Variants in DCDC1 observed in about 807,000 individuals in gnomAD.
DCDC1 encodes doublecortin domain-containing protein 1.
In DCDC1, 200 loss-of-function variants were observed where a neutral mutation model predicts 178.3. The observed-to-expected ratio is 1.12, with a 90% confidence interval of 1.00 to 1.26. The LOEUF (loss-of-function observed/expected upper bound fraction) is 1.26, where lower values mean the gene tolerates loss of function less well. Among genes scored for constraint, DCDC1 ranks in the 50% most tolerant of loss-of-function variants. The pLI is 0.00. For missense variants in DCDC1, 1,983 were observed against 1,749.2 expected (o/e 1.13, Z -2.38); for synonymous variants, 690 against 604.8 (o/e 1.14, Z -2.07).
chr11:30,974,932 C>A (rs965364994), intron 20 of DCDC1, among the ~76,000 whole-genome samples: 26 of 152,098 alleles, frequency 1.7e-4, no homozygotes, highest in South Asian at 6.2e-4. Flanking sequence ...AAGAAAAATA[C>A]AAGCCAATAT....
chr11:31,220,727 T>C (rs921704489), intron 9 of DCDC1, among the ~76,000 whole-genome samples: 5 of 152,348 alleles, frequency 3.3e-5, no homozygotes, highest in African/African-American at 9.6e-5. Context: ...GAAGACTCTA[T>C]TAGTCAGCTT....
intron 15 of DCDC1, among the ~76,000 whole-genome samples, chr11:31,099,225 C>G (rs2135718551): frequency 6.6e-6 from 1 of 152,310 alleles, no homozygotes; most frequent in East Asian, 1.9e-4. Context: ...GGTCAGCTAA[C>G]TGAATATCTA....
chr11:31,305,561 C>T, intron 6 of DCDC1, 54 bp downstream of exon 6: 1 of 1,553,636 alleles, frequency 6.4e-7, no homozygotes, highest in Non-Finnish European at 8.7e-7. Context: ...TTAATTGCAC[C>T]CCTTAAGCAA....
At chr11:31,250,415 C>CACACACACACACAT (rs1223526182) in intron 8 of DCDC1, among the ~76,000 whole-genome samples, 3 of 73,734 alleles carry the variant, frequency 4.1e-5, no homozygotes, top group African/African-American at 5.2e-5. Context: ...CACACACACA[C>CACACACACACACAT]ATATACATAT....
At chr11:31,086,824 G>C (rs1957509615) in intron 17 of DCDC1, among the ~76,000 whole-genome samples, 1 of 151,800 alleles carries the variant, frequency 6.6e-6, no homozygotes, top group Admixed American at 6.6e-5. Flanking sequence ...ATCATTTTTT[G>C]CACTTATAGT....
chr11:31,185,651 T>C (rs1969387816), intron 9 of DCDC1, among the ~76,000 whole-genome samples: 2 of 152,178 alleles, frequency 1.3e-5, no homozygotes, highest in South Asian at 4.1e-4. Flanking sequence ...AAACCTGGTT[T>C]TCTGCCTTGC....
chr11:30,879,154 C>A (rs1942412893), intron 37 of DCDC1, among the ~76,000 whole-genome samples: 1 of 152,106 alleles, frequency 6.6e-6, no homozygotes. Context: ...CGAAGTGATT[C>A]TTTGATGAAT....
Position 31,115,901 on chromosome 11 carries a change from C to T in DCDC1, c.1486-5540G>A, listed in dbSNP as rs184325368. Among the ~76,000 whole-genome samples the T allele has an allele frequency of 2.2e-4, 32 of 146,352 alleles. No homozygotes were observed. The East Asian group carries it at 2.2e-3, about 10-fold the overall frequency. ...ACCAAATGTTGGATGCAGGCTGCCC[C>T]GAGGGTGGGAGCCTAATCTTGGGAG... On this transcript the variant is annotated intron_variant, in intron 11 of 38. Transcript: ENST00000684477.
At chr11:31,345,175 T>A (rs61879889) in intron 1 of DCDC1, among the ~76,000 whole-genome samples, 43,825 of 152,056 alleles carry the variant, frequency 0.29, 7,101 homozygotes, top group Non-Finnish European at 0.35. Context: ...TATTATAGTA[T>A]GTGGTTATTG....
chr11:31,306,143 A>G, intron 5 of DCDC1, 89 bp downstream of exon 5: 1 of 1,228,122 alleles, frequency 8.1e-7, no homozygotes. Flanking sequence ...TCAAAAAGAA[A>G]ATATTAACAA....
At chr11:31,019,692 C>T (rs1476592292) in intron 20 of DCDC1, among the ~76,000 whole-genome samples, 1 of 152,016 alleles carries the variant, frequency 6.6e-6, no homozygotes, top group Non-Finnish European at 1.5e-5. Flanking sequence ...TCTTCCCTGC[C>T]CTTAAAATCA....
At chr11:30,866,363 A>G (rs1455060174) in intron 38 of DCDC1, among the ~76,000 whole-genome samples, 2 of 152,090 alleles carry the variant, frequency 1.3e-5, no homozygotes, top group Non-Finnish European at 2.9e-5. Flanking sequence ...TTCCTGTTTC[A>G]TATGGTGCCT....
chr11:31,200,876 A>G (rs1418411525), intron 9 of DCDC1, among the ~76,000 whole-genome samples: 1 of 151,966 alleles, frequency 6.6e-6, no homozygotes, highest in African/African-American at 2.4e-5. Context: ...CATTTTTATG[A>G]CATGTCAAGC....
chr11:31,064,402 T>C (rs1956135632), intron 20 of DCDC1, 67 bp downstream of exon 20: 1 of 668,544 alleles, frequency 1.5e-6, no homozygotes, highest in Non-Finnish European at 2.7e-6. Flanking sequence ...AAATCAATCT[T>C]ACATGAAACT....
In DCDC1 at chr11:31,183,586, G is replaced by A. The variant is rs1969109907; in HGVS notation, c.1222-45802C>T. Among the ~76,000 whole-genome samples the A allele has an allele frequency of 4.6e-5, 7 of 152,148 alleles. No homozygotes were observed. In the South Asian group the frequency reaches 1.2e-3, roughly 27 times the overall value. ...TAAGCTGATAAGCAACTTCAGCAAA[G>A]TCTTAGGATACAAAATCAATGTGCA... On this transcript the variant is annotated intron_variant, in intron 9 of 38. Transcript: ENST00000684477.
chr11:31,285,855 C>T (rs1946780864), intron 7 of DCDC1, among the ~76,000 whole-genome samples: 1 of 152,030 alleles, frequency 6.6e-6, no homozygotes, highest in East Asian at 1.9e-4. Flanking sequence ...AGACTTGCTA[C>T]ACATAACCAC....
At chr11:31,233,142 G>A (rs907131474) in intron 9 of DCDC1, among the ~76,000 whole-genome samples, 3 of 151,566 alleles carry the variant, frequency 2.0e-5, no homozygotes, top group Non-Finnish European at 4.4e-5. Context: ...ACAGCTCAAT[G>A]AGGTAAGTAT....
intron 34 of DCDC1, among the ~76,000 whole-genome samples, chr11:30,895,917 G>A (rs189387199): frequency 3.9e-4 from 60 of 151,986 alleles, no homozygotes; most frequent in Middle Eastern, 6.8e-3. Flanking sequence ...AATGCATTTC[G>A]AACACTAAAA....
intron 20 of DCDC1, among the ~76,000 whole-genome samples, chr11:31,055,411 T>C (rs756916282): frequency 2.6e-5 from 4 of 152,108 alleles, no homozygotes; most frequent in Non-Finnish European, 5.9e-5. Flanking sequence ...ATCACTATGT[T>C]TCCATAGTGT....
Sources: gnomAD v4.1 joint callset for allele counts (sites outside exome capture counted in the v4.1 genomes callset) on GRCh38, gnomAD v4.1.1 for gene constraint, MANE v1.5 for transcripts, NCBI Gene and HGNC (gene_info 2026-07-23, HGNC 2026-07-21) for gene names.